VPS13B: variants seen among roughly 807,000 people sequenced by gnomAD.
The protein encoded by VPS13B is vacuolar protein sorting 13 homolog B, also known as intermembrane lipid transfer protein VPS13B.
In VPS13B, 285 loss-of-function variants were observed where a neutral mutation model predicts 426.4. The ratio of observed to expected loss-of-function variants is 0.67; its 90% CI spans 0.61 to 0.74. VPS13B has a LOEUF of 0.74. Ranked by LOEUF, VPS13B falls within the 30% of genes least tolerant of loss-of-function variation. The probability of loss-of-function intolerance (pLI) is 0.00; values close to 1 mark genes in which losing one functional copy is unlikely to be tolerated. For missense variants in VPS13B, 4,537 were observed against 4,782.6 expected, an observed-to-expected ratio of 0.95 and a Z score of 1.51; for synonymous variants, 1,676 against 1,676.4, an observed-to-expected ratio of 1.00 and a Z score of 0.01.
chr8:99,870,099 A>G (rs749435168), intron 59 of VPS13B, among the ~76,000 whole-genome samples: 2 of 152,244 alleles, frequency 1.3e-5, no homozygotes, highest in South Asian at 2.1e-4. Context: ...GCCTTTGTAT[A>G]TATCTGTGTG....
At chr8:99,348,986 GACTC>G (rs1219057036) in intron 19 of VPS13B, among the ~76,000 whole-genome samples, 1 of 152,062 alleles carries the variant, frequency 6.6e-6, no homozygotes, top group East Asian at 1.9e-4. Flanking sequence ...ATTACTTCCT[GACTC>G]ACTAAAAGAA....
intron 21 of VPS13B, among the ~76,000 whole-genome samples, chr8:99,415,366 T>C (rs938847932): frequency 2.6e-5 from 4 of 152,052 alleles, no homozygotes; most frequent in Admixed American, 6.6e-5. Context: ...AACATGCTCC[T>C]TTAGCTCGGA....
intron 13 of VPS13B, among the ~76,000 whole-genome samples, chr8:99,145,031 G>A (rs893352775): frequency 6.6e-6 from 1 of 152,092 alleles, no homozygotes; most frequent in Non-Finnish European, 1.5e-5. Context: ...GTAGACAAGT[G>A]CAAGAGCCTT....
intron 3 of VPS13B, among the ~76,000 whole-genome samples, chr8:99,071,423 C>A (rs1184175633): frequency 6.6e-6 from 1 of 152,028 alleles, no homozygotes. Context: ...CAGAGAATAC[C>A]CTGGATTACT....
chr8:99,722,935 A>G (rs1233492563), intron 39 of VPS13B, among the ~76,000 whole-genome samples: 5 of 152,260 alleles, frequency 3.3e-5, no homozygotes, highest in Non-Finnish European at 5.9e-5. Context: ...ATAGCTAGAT[A>G]TTAACACATT....
At chr8:99,563,664 C>A (rs1319588710) in intron 31 of VPS13B, among the ~76,000 whole-genome samples, 1 of 152,088 alleles carries the variant, frequency 6.6e-6, no homozygotes, top group East Asian at 1.9e-4. Context: ...AAGAAGGAAG[C>A]AGTAGATCCA....
chr8:99,194,873 G>A (rs1481803345), intron 17 of VPS13B, among the ~76,000 whole-genome samples: 2 of 151,902 alleles, frequency 1.3e-5, no homozygotes, highest in African/African-American at 2.4e-5. Flanking sequence ...GTGAGATGGA[G>A]CCTTGCTCTG....
chr8:99,208,805 A>C (rs1814893809), intron 17 of VPS13B, among the ~76,000 whole-genome samples: 1 of 152,200 alleles, frequency 6.6e-6, no homozygotes, highest in Non-Finnish European at 1.5e-5. Flanking sequence ...GTAATTTTGT[A>C]AGTTCTTTGT....
At chr8:99,293,671 A>G (rs1476142094) in intron 19 of VPS13B, among the ~76,000 whole-genome samples, 2 of 151,266 alleles carry the variant, frequency 1.3e-5, no homozygotes, top group East Asian at 2.0e-4. Flanking sequence ...TCCAGAATCT[A>G]CAATGAACTC....
At position 99,699,935 on chromosome 8, in the gene VPS13B, A is replaced by G. The variant is rs1295940381; in HGVS notation, c.6454+3A>G. ...CAAGGCAACACAAAAAGTACCTGGT[A>G]AGTCACAGAAAAGGGGAGGGGGGAG... On this transcript the variant is annotated splice_donor_region_variant and intron_variant, in intron 36 of 61. Transcript: ENST00000357162. The G allele has an allele frequency of 6.2e-7, 1 of 1,613,616 alleles. No individual in the cohort carries two copies. Among genetic ancestry groups the G allele is most frequent in the Non-Finnish European group, 8.5e-7 (1 of 1,179,914 alleles).
At chr8:99,177,272 G>C (rs1022247340) in intron 16 of VPS13B, among the ~76,000 whole-genome samples, 19 of 152,070 alleles carry the variant, frequency 1.2e-4, no homozygotes, top group Non-Finnish European at 2.6e-4. Flanking sequence ...TGCATTATTT[G>C]AAATAAATTT....
At chr8:99,581,116 G>A (rs572841398) in intron 33 of VPS13B, among the ~76,000 whole-genome samples, 29 of 151,394 alleles carry the variant, frequency 1.9e-4, no homozygotes, top group Non-Finnish European at 3.5e-4. Context: ...CTGGGAGGTC[G>A]AGGCTGCAGT....
At chr8:99,078,860 C>G (rs1373522321) in intron 3 of VPS13B, among the ~76,000 whole-genome samples, 1 of 151,976 alleles carries the variant, frequency 6.6e-6, no homozygotes, top group East Asian at 1.9e-4. Flanking sequence ...TAGTGGCAAA[C>G]TGAGCAAGTT....
chr8:99,051,225 T>A (rs1587965765), intron 3 of VPS13B, among the ~76,000 whole-genome samples: 1 of 152,346 alleles, frequency 6.6e-6, no homozygotes, highest in African/African-American at 2.4e-5. Context: ...AAGGAAGGGA[T>A]CCAGTTTCAG....
intron 15 of VPS13B, among the ~76,000 whole-genome samples, chr8:99,161,688 A>G (rs549796976): frequency 1.3e-3 from 193 of 151,380 alleles, no homozygotes; most frequent in Non-Finnish European, 2.1e-3. Flanking sequence ...AATAGCATTA[A>G]TATGCGTGGG....
At chr8:99,057,529 T>C (rs1249418461) in intron 3 of VPS13B, among the ~76,000 whole-genome samples, 3 of 152,164 alleles carry the variant, frequency 2.0e-5, no homozygotes, top group African/African-American at 7.2e-5. Context: ...TTTCGTTATT[T>C]TAGTGCTCAC....
chr8:99,373,787 A>T (rs956317208), intron 19 of VPS13B, among the ~76,000 whole-genome samples: 1 of 152,286 alleles, frequency 6.6e-6, no homozygotes, highest in South Asian at 2.1e-4. Flanking sequence ...GGCTACAGTG[A>T]GCTGTGATCA....
At chr8:99,261,346 T>G (rs1039739071) in intron 17 of VPS13B, among the ~76,000 whole-genome samples, 1 of 152,174 alleles carries the variant, frequency 6.6e-6, no homozygotes. Flanking sequence ...AGTTTTGCCT[T>G]TTCAAGATTG....
chr8:99,078,269 G>A (rs932079805), intron 3 of VPS13B, among the ~76,000 whole-genome samples: 1 of 149,412 alleles, frequency 6.7e-6, no homozygotes, highest in Admixed American at 6.8e-5. Context: ...TGTGCATCTA[G>A]TGTACCGTTC....
Sources: gnomAD v4.1 joint callset for allele counts (sites outside exome capture counted in the v4.1 genomes callset) on GRCh38, gnomAD v4.1.1 for gene constraint, MANE v1.5 for transcripts, NCBI Gene and HGNC (gene_info 2026-07-23, HGNC 2026-07-21) for gene names.